PPFIA2: variants seen among roughly 807,000 people sequenced by gnomAD.
The protein encoded by PPFIA2 is liprin-alpha-2.
Under a neutral mutation model 175.5 loss-of-function variants are expected in PPFIA2, and 46 were observed. The observed-to-expected ratio is 0.26, with a 90% CI of 0.21 to 0.34. The LOEUF (loss-of-function observed/expected upper bound fraction) is 0.34, where lower values mean the gene tolerates loss of function less well. Among genes scored for constraint, PPFIA2 ranks in the 10% least tolerant of loss-of-function variants. The pLI is 1.00. For synonymous variants in PPFIA2, 568 were observed against 511.4 expected, an observed-to-expected ratio of 1.11 and a Z score of -1.49; for missense variants, 1,179 against 1,506.1, an observed-to-expected ratio of 0.78 and a Z score of 3.60.
chr12:81,716,763 A>G (rs2078682715), intron 3 of PPFIA2, among the ~76,000 whole-genome samples: 1 of 151,772 alleles, frequency 6.6e-6, no homozygotes, highest in Non-Finnish European at 1.5e-5. Flanking sequence ...TTTTAAAATT[A>G]TTACTTCTGT....
chr12:81,456,704 T>C (rs944352886), intron 5 of PPFIA2, among the ~76,000 whole-genome samples: 1 of 152,214 alleles, frequency 6.6e-6, no homozygotes, highest in Non-Finnish European at 1.5e-5. Context: ...TACTCCTCTA[T>C]GGGTAATGTG....
intron 17 of PPFIA2, among the ~76,000 whole-genome samples, chr12:81,352,292 G>T (rs1363128458): frequency 1.3e-5 from 2 of 151,794 alleles, no homozygotes; most frequent in Admixed American, 1.3e-4. Context: ...CAAGATCAAG[G>T]TTCCAGCAGG....
chr12:81,598,892 T>C (rs1009092334), intron 4 of PPFIA2, among the ~76,000 whole-genome samples: 12 of 152,028 alleles, frequency 7.9e-5, no homozygotes, highest in Admixed American at 6.6e-5. Flanking sequence ...TGACAATCAG[T>C]GCTTCAAAAA....
rs559786103 is a variant in PPFIA2 at position 81,395,570 on chromosome 12, A to G, written c.762+10217T>C. Among the ~76,000 whole-genome samples, 3 of 151,558 alleles carry G rather than the reference A, an allele frequency of 2.0e-5. No individual in the cohort carries two copies. The East Asian group carries it at 5.9e-4, about 30-fold the overall frequency. On this transcript the variant is annotated intron_variant, in intron 8 of 32. Coordinates refer to ENST00000549396, the MANE Select transcript of PPFIA2 (RefSeq NM_003625.5). ...TCCCTTTCTCTCTCTCTCTCTCTGG[A>G]ATTTCCTTATCTGACTGAAAACACT...
At chr12:81,359,438 A>C (rs1319944600) in intron 15 of PPFIA2, among the ~76,000 whole-genome samples, 1 of 151,704 alleles carries the variant, frequency 6.6e-6, no homozygotes, top group Non-Finnish European at 1.5e-5. Context: ...ATCATGGATA[A>C]GTTACATTTA....
chr12:81,556,010 T>C (rs979207632), intron 4 of PPFIA2, among the ~76,000 whole-genome samples: 3 of 151,902 alleles, frequency 2.0e-5, no homozygotes, highest in Non-Finnish European at 4.4e-5. Context: ...AACTAAGAAA[T>C]GTTTATGTTT....
intron 24 of PPFIA2, among the ~76,000 whole-genome samples, chr12:81,288,333 G>C (rs2044016663): frequency 6.6e-6 from 1 of 151,768 alleles, no homozygotes; most frequent in Non-Finnish European, 1.5e-5. Flanking sequence ...GTTGATATCT[G>C]ACAATGAGAG....
At chr12:81,757,767 A>G (rs932261502) in intron 2 of PPFIA2, among the ~76,000 whole-genome samples, 46 of 152,208 alleles carry the variant, frequency 3.0e-4, no homozygotes, top group African/African-American at 1.1e-3. Flanking sequence ...TGAGAGTGCT[A>G]CAAAAAGCTT....
At chr12:81,732,343 T>C (rs1596989534) in intron 3 of PPFIA2, among the ~76,000 whole-genome samples, 1 of 151,484 alleles carries the variant, frequency 6.6e-6, no homozygotes, top group Admixed American at 6.6e-5. Flanking sequence ...GCATAAAAGT[T>C]TTTAATAATA....
In PPFIA2 at chr12:81,325,726, A is replaced by C. The variant is rs2054618676; in HGVS notation, c.2642+51T>G. ...CTCTTTTTAATTCCCTATAAATAAT[A>C]ATAAGGAATTGATAAAAGTTAGAAA... On this transcript the variant is annotated intron_variant, in intron 22 of 32. Transcript: ENST00000549396. 1.0e-5 allele frequency: 13 copies of C among 1,250,106 alleles called. No individual in the cohort carries two copies. The South Asian group carries it at 1.5e-4, about 15-fold the overall frequency. 77.4% of individuals were successfully genotyped at this position (1,250,106 alleles called of 1,614,324 possible). A position where few individuals can be genotyped will look rare whatever the true frequency, so the allele number is the denominator to read the frequency against.
At position 81,384,027 on chromosome 12, in the gene PPFIA2, C is replaced by T; in HGVS notation, c.980G>A (p.Arg327Lys). 1.2e-6 allele frequency: 2 copies of T among 1,608,202 alleles called. No homozygotes were observed. Among genetic ancestry groups the T allele is most frequent in the Non-Finnish European group, 1.7e-6 (2 of 1,175,258 alleles). Reference sequence around the variant, plus strand: ...AAAGTGGCATGAATCACTTACCTCCCTAATGTCCCTTTGATACTTGGTGTT... The same window carrying T: ...AAAGTGGCATGAATCACTTACCTCCTTAATGTCCCTTTGATACTTGGTGTT... ...EMNTKYQRDI[R>K]EAMAQKEDME... Residue 327 changes from arginine (R) to lysine (K), a missense_variant, in exon 9 of 33, where the codon AGG becomes AAG. Around this residue, in one of 10 missense-constraint regions of PPFIA2, gnomAD observed 226 missense variants for 216.6 expected, o/e 1.04. Coordinates refer to ENST00000549396, the MANE Select transcript of PPFIA2 (RefSeq NM_003625.5).
chr12:81,350,140 G>A (rs900269558), intron 17 of PPFIA2, among the ~76,000 whole-genome samples: 1 of 152,138 alleles, frequency 6.6e-6, no homozygotes, highest in Non-Finnish European at 1.5e-5. Context: ...TATGGAGGGT[G>A]TGTTGATCTC....
intron 24 of PPFIA2, among the ~76,000 whole-genome samples, chr12:81,286,230 T>C (rs111355287): frequency 4.8e-4 from 73 of 152,222 alleles, no homozygotes; most frequent in African/African-American, 1.7e-3. Flanking sequence ...AAAAAAGATT[T>C]ATAAATTACA....
At chr12:81,659,517 G>A (rs1039844970) in intron 4 of PPFIA2, among the ~76,000 whole-genome samples, 10 of 152,198 alleles carry the variant, frequency 6.6e-5, no homozygotes, top group East Asian at 5.8e-4. Flanking sequence ...AGGGGCGCCC[G>A]CCATTGCTGA....
intron 23 of PPFIA2, 39 bp downstream of exon 23, chr12:81,299,262 A>C (rs2047235540): frequency 6.4e-7 from 1 of 1,555,960 alleles, no homozygotes. Flanking sequence ...TCAACTTAGT[A>C]GTGATTGATT....
At chr12:81,282,870 T>G (rs1287418022) in intron 26 of PPFIA2, 140 bp downstream of exon 26, 1 of 567,734 alleles carries the variant, frequency 1.8e-6, no homozygotes, top group Non-Finnish European at 3.1e-6. Context: ...TTAAACATAA[T>G]CTACATTTAC....
At chr12:81,523,428 A>G (rs1027621799) in intron 4 of PPFIA2, among the ~76,000 whole-genome samples, 2 of 152,162 alleles carry the variant, frequency 1.3e-5, no homozygotes, top group African/African-American at 4.8e-5. Flanking sequence ...ACACAAAAGT[A>G]TTTCAACATA....
At chr12:81,266,270 G>C (rs1040903429) in intron 30 of PPFIA2, among the ~76,000 whole-genome samples, 16 of 152,034 alleles carry the variant, frequency 1.1e-4, no homozygotes, top group Non-Finnish European at 2.1e-4. Context: ...ACTTCTTCCA[G>C]AAAGACCCTG....
At chr12:81,644,219 T>C (rs1456161269) in intron 4 of PPFIA2, among the ~76,000 whole-genome samples, 2 of 152,030 alleles carry the variant, frequency 1.3e-5, no homozygotes, top group African/African-American at 4.8e-5. Context: ...TACCTCAGTA[T>C]GGGTAAATGA....
Sources: gnomAD v4.1 joint callset for allele counts (sites outside exome capture counted in the v4.1 genomes callset) on GRCh38, gnomAD v4.1.1 for gene constraint, gnomAD v4.1.1 regional missense constraint, MANE v1.5 for transcripts, NCBI Gene and HGNC (gene_info 2026-07-23, HGNC 2026-07-21) for gene names.